SNCAIP: variants seen among roughly 807,000 people sequenced by gnomAD.
SNCAIP encodes synuclein alpha interacting protein.
In SNCAIP, 43 loss-of-function variants were observed where a neutral mutation model predicts 86.7. The observed-to-expected ratio is 0.50, with a 90% CI of 0.39 to 0.64. The LOEUF (loss-of-function observed/expected upper bound fraction) is 0.64, where lower values mean the gene tolerates loss of function less well. Among genes scored for constraint, SNCAIP ranks in the 30% least tolerant of loss-of-function variants. The pLI, the probability that SNCAIP is intolerant of heterozygous loss-of-function variation, is 0.00. For missense variants in SNCAIP, 981 were observed against 1,103.1 expected (o/e 0.89, Z 1.57); for synonymous variants, 417 against 427.2 (o/e 0.98, Z 0.29).
At chr5:122,401,897 GAT>G (rs1771896964) in intron 2 of SNCAIP, among the ~76,000 whole-genome samples, 3 of 152,186 alleles carry the variant, frequency 2.0e-5, no homozygotes, top group Admixed American at 1.3e-4. Flanking sequence ...CAGAGATTCT[GAT>G]ATGTCTGACT....
At chr5:122,440,332 T>C in intron 6 of SNCAIP, 3 of 390,204 alleles carry the variant, frequency 7.7e-6, no homozygotes, top group South Asian at 6.5e-5. Flanking sequence ...CTGTGTGCCT[T>C]GGATGAGGCA....
chr5:122,370,499 T>G (rs1764070689), intron 1 of SNCAIP, among the ~76,000 whole-genome samples: 1 of 152,184 alleles, frequency 6.6e-6, no homozygotes, highest in Non-Finnish European at 1.5e-5. Context: ...TGTACCATCC[T>G]TAGAATCCAG....
chr5:122,322,202 T>C (rs553401640), intron 1 of SNCAIP, among the ~76,000 whole-genome samples: 61 of 152,358 alleles, frequency 4.0e-4, no homozygotes, highest in African/African-American at 1.4e-3. Flanking sequence ...CTATGTCAAT[T>C]TGCCTTTGCA....
chr5:122,314,910 G>A (rs939399021), intron 1 of SNCAIP, among the ~76,000 whole-genome samples: 16 of 152,102 alleles, frequency 1.1e-4, no homozygotes, highest in South Asian at 4.1e-4. Flanking sequence ...TAGTCTTTTC[G>A]TAAGGAACAT....
At chr5:122,437,012 C>T (rs1779638762) in intron 6 of SNCAIP, 1 of 152,158 alleles carries the variant, frequency 6.6e-6, no homozygotes, top group South Asian at 2.1e-4. Flanking sequence ...GAGAGCCATT[C>T]TGGGAAACAA....
chr5:122,377,400 G>T (rs1330037528), intron 1 of SNCAIP, among the ~76,000 whole-genome samples: 1 of 151,950 alleles, frequency 6.6e-6, no homozygotes, highest in Non-Finnish European at 1.5e-5. Flanking sequence ...CACAGCTCCT[G>T]TGAGCATGAA....
intron 2 of SNCAIP, among the ~76,000 whole-genome samples, chr5:122,396,234 C>G (rs1770593650): frequency 6.6e-6 from 1 of 152,022 alleles, no homozygotes; most frequent in Non-Finnish European, 1.5e-5. Context: ...TTCTTAATAC[C>G]TGCCAGGAAA....
intron 1 of SNCAIP, among the ~76,000 whole-genome samples, chr5:122,354,930 G>A (rs1200326167): frequency 6.6e-6 from 1 of 152,074 alleles, no homozygotes; most frequent in East Asian, 1.9e-4. Flanking sequence ...AAGAAAATAT[G>A]TTTGTTTTTC....
At chr5:122,431,891 T>C (rs960521219) in intron 5 of SNCAIP, 78 bp from the exon 6 acceptor site, 2 of 757,814 alleles carry the variant, frequency 2.6e-6, no homozygotes, top group South Asian at 2.9e-5. Context: ...CTTTCCTTGG[T>C]GAAATTACCA....
At chr5:122,417,596 G>C (rs1336118631) in intron 3 of SNCAIP, among the ~76,000 whole-genome samples, 1 of 152,126 alleles carries the variant, frequency 6.6e-6, no homozygotes, top group Non-Finnish European at 1.5e-5. Flanking sequence ...CATTGTGTCA[G>C]AATTCATATT....
intron 1 of SNCAIP, among the ~76,000 whole-genome samples, chr5:122,329,287 G>A (rs1363756448): frequency 6.7e-6 from 1 of 149,792 alleles, no homozygotes; most frequent in African/African-American, 2.5e-5. Flanking sequence ...AAAGATTTGA[G>A]TACAAGATTT....
At position 122,426,754 on chromosome 5, in the gene SNCAIP, G is replaced by A. The variant is rs544624776; in HGVS notation, c.1182+1223G>A. Among the ~76,000 whole-genome samples the A allele has an allele frequency of 4.1e-3, 626 of 152,290 alleles. 5 individuals carry two copies. Among genetic ancestry groups the A allele is most frequent in the African/African-American group, 0.014 (577 of 41,562 alleles). ...GAACTAAACTACAGGCAGCTATCAT[G>A]AAGAAAGATAAATAGAACTAAACTA... On this transcript the variant is annotated intron_variant, in intron 5 of 10. Coordinates refer to ENST00000261368, the MANE Select transcript of SNCAIP (RefSeq NM_005460.4).
intron 10 of SNCAIP, among the ~76,000 whole-genome samples, chr5:122,453,760 T>A (rs1027106222): frequency 2.1e-5 from 2 of 93,874 alleles, no homozygotes; most frequent in African/African-American, 6.5e-5. Flanking sequence ...GACTATCACT[T>A]TTTTTTTTTT....
At chr5:122,391,288 C>T in intron 2 of SNCAIP, 97 bp downstream of exon 2, 1 of 905,638 alleles carries the variant, frequency 1.1e-6, no homozygotes, top group Non-Finnish European at 1.8e-6. Context: ...CTCAACTTTT[C>T]TGACTACATT....
intron 1 of SNCAIP, among the ~76,000 whole-genome samples, chr5:122,358,199 G>GTATA (rs1187840527): frequency 1.7e-4 from 17 of 102,772 alleles, no homozygotes; most frequent in South Asian, 2.7e-4. Context: ...GTGTGTGTGT[G>GTATA]TGTGTATATA....
chr5:122,338,532 A>G (rs947238541), intron 1 of SNCAIP, among the ~76,000 whole-genome samples: 14 of 152,244 alleles, frequency 9.2e-5, no homozygotes, highest in African/African-American at 2.9e-4. Flanking sequence ...AAATGGTCAC[A>G]GAACTACAGT....
chr5:122,358,376 C>T (rs796443498), intron 1 of SNCAIP, among the ~76,000 whole-genome samples: 27 of 120,710 alleles, frequency 2.2e-4, no homozygotes, highest in Middle Eastern at 6.5e-3. Context: ...CCACAATAGG[C>T]CCTGTAAGGG....
chr5:122,419,311 G>A (rs1418712783), intron 3 of SNCAIP, among the ~76,000 whole-genome samples: 1 of 152,136 alleles, frequency 6.6e-6, no homozygotes, highest in Non-Finnish European at 1.5e-5. Flanking sequence ...CCACATGTTT[G>A]TTCAATCAAT....
At chr5:122,427,225 G>C (rs1357476061) in intron 5 of SNCAIP, among the ~76,000 whole-genome samples, 1 of 152,172 alleles carries the variant, frequency 6.6e-6, no homozygotes, top group East Asian at 1.9e-4. Context: ...TCTCTGAGTA[G>C]AAGGTACATA....
Sources: gnomAD v4.1 joint callset for allele counts (sites outside exome capture counted in the v4.1 genomes callset) on GRCh38, gnomAD v4.1.1 for gene constraint, MANE v1.5 for transcripts, NCBI Gene and HGNC (gene_info 2026-07-23, HGNC 2026-07-21) for gene names.